UBE4B: variants seen among roughly 807,000 people sequenced by gnomAD.
UBE4B encodes the protein ubiquitination factor E4B.
UBE4B carries 27 observed loss-of-function variants against 148.1 expected under a neutral mutation model. The ratio of observed to expected loss-of-function variants is 0.18; its 90% CI spans 0.13 to 0.25. The LOEUF (loss-of-function observed/expected upper bound fraction) is 0.25, where lower values mean the gene tolerates loss of function less well. Ranked by LOEUF, UBE4B falls within the 10% of genes least tolerant of loss-of-function variation. UBE4B has a pLI of 1.00. For synonymous variants in UBE4B, 596 were observed against 619.3 expected (o/e 0.96, Z 0.56); for missense variants, 1,170 against 1,662.4 (o/e 0.70, Z 5.15).
In UBE4B at chr1:10,168,752, C is replaced by T. The variant is rs1376861858; in HGVS notation, c.3333+482C>T. Among the ~76,000 whole-genome samples, 2 of 151,960 alleles carry T rather than the reference C, an allele frequency of 1.3e-5. No homozygotes were observed. The highest frequency in any genetic ancestry group is 2.9e-5 in the Non-Finnish European group (2 of 67,982). Reference sequence around the variant, plus strand: ...CTAAAAGTACAAAAAATTAGCTGGGCGTGGTGGTGGGCACCTGTAGTCCCA... The same window carrying T: ...CTAAAAGTACAAAAAATTAGCTGGGTGTGGTGGTGGGCACCTGTAGTCCCA... On this transcript the variant is annotated intron_variant, in intron 24 of 27. Coordinates refer to ENST00000343090, the MANE Select transcript of UBE4B (RefSeq NM_001105562.3). This position sits in a 1 kb window ranked among gnomAD's most constrained non-coding sequence, Gnocchi z 4.9.
chr1:10,051,720 C>T (rs1393358079), intron 1 of UBE4B, among the ~76,000 whole-genome samples: 5 of 152,040 alleles, frequency 3.3e-5, no homozygotes, highest in Non-Finnish European at 7.4e-5. Flanking sequence ...CTCGAGGAGT[C>T]CCAGGAGAAA....
intron 1 of UBE4B, among the ~76,000 whole-genome samples, chr1:10,043,186 C>T (rs1357123530): frequency 6.6e-6 from 1 of 151,016 alleles, no homozygotes; most frequent in Admixed American, 6.6e-5. Context: ...ATTTTGTATT[C>T]TTAGCACAGT....
intron 2 of UBE4B, among the ~76,000 whole-genome samples, chr1:10,092,921 C>G (rs1045574790): frequency 1.3e-5 from 2 of 151,940 alleles, no homozygotes; most frequent in Admixed American, 6.6e-5. Context: ...TAAATTGTTG[C>G]AGAATTGCCC....
At chr1:10,146,728 A>C (rs1262889026) in intron 18 of UBE4B, among the ~76,000 whole-genome samples, 1 of 151,294 alleles carries the variant, frequency 6.6e-6, no homozygotes, top group Non-Finnish European at 1.5e-5. Flanking sequence ...CAACATTTTG[A>C]GCTTTAACTG....
intron 2 of UBE4B, among the ~76,000 whole-genome samples, chr1:10,090,408 A>C (rs1189608526): frequency 6.6e-6 from 1 of 152,164 alleles, no homozygotes; most frequent in Non-Finnish European, 1.5e-5. Flanking sequence ...GGCGTGAGCC[A>C]CCATGCCTGG....
At chr1:10,097,441 T>C (rs1021763544) in intron 3 of UBE4B, among the ~76,000 whole-genome samples, 2 of 152,224 alleles carry the variant, frequency 1.3e-5, no homozygotes, top group African/African-American at 4.8e-5. Context: ...CTCACTCTTA[T>C]TCCACATTTT....
At chr1:10,061,186 C>T (rs1035661246) in intron 1 of UBE4B, among the ~76,000 whole-genome samples, 9 of 152,030 alleles carry the variant, frequency 5.9e-5, no homozygotes, top group African/African-American at 1.4e-4. Context: ...CCTTTAATAA[C>T]GAGGTGTAAA....
Position 10,180,978 on chromosome 1 carries a change from A to G in UBE4B, c.*1022A>G, listed in dbSNP as rs1479372893. 6.6e-6 allele frequency: 1 copy of G among 152,452 alleles called. No individual in the cohort carries two copies. The highest frequency in any genetic ancestry group is 1.9e-4 in the East Asian group (1 of 5,182). The allele number at this position is 152,452 out of a possible 1,614,324, so 9.4% of individuals were successfully genotyped here. ...TGGGAGTATGTCTGCCGGTTTCAAC[A>G]CACACAGACAAACACAGCCACACGC... is the stretch of plus-strand genomic sequence containing the variant. On this transcript the variant is annotated 3_prime_UTR_variant, in exon 28 of 28. Transcript: ENST00000343090.
chr1:10,078,115 T>G (rs1394928964), intron 2 of UBE4B, among the ~76,000 whole-genome samples: 1 of 152,128 alleles, frequency 6.6e-6, no homozygotes, highest in Admixed American at 6.6e-5. Flanking sequence ...GTTCAAGTGA[T>G]TCTCCCACCT....
chr1:10,156,784 G>A (rs1646079431), intron 21 of UBE4B, among the ~76,000 whole-genome samples: 1 of 152,094 alleles, frequency 6.6e-6, no homozygotes, highest in African/African-American at 2.4e-5. Context: ...TCGGATCTTA[G>A]TATGATAGGT....
chr1:10,176,176 T>C (rs1432409445), intron 25 of UBE4B, among the ~76,000 whole-genome samples: 1 of 152,266 alleles, frequency 6.6e-6, no homozygotes, highest in Non-Finnish European at 1.5e-5. Flanking sequence ...AATGTATCAG[T>C]ATTTCATTCC....
intron 17 of UBE4B, among the ~76,000 whole-genome samples, chr1:10,142,737 C>T (rs150372887): frequency 1.2e-4 from 19 of 152,202 alleles, no homozygotes; most frequent in African/African-American, 4.6e-4. Context: ...CCTTTTCCAT[C>T]TTCTGAAAGC....
chr1:10,114,982 G>T (rs72861456), intron 7 of UBE4B, among the ~76,000 whole-genome samples: 6 of 152,162 alleles, frequency 3.9e-5, no homozygotes, highest in African/African-American at 1.4e-4. Flanking sequence ...CTACTCAGTC[G>T]GCAGGGAGTT....
intron 1 of UBE4B, among the ~76,000 whole-genome samples, chr1:10,056,883 GT>G (rs1644182102): frequency 6.6e-6 from 1 of 152,164 alleles, no homozygotes; most frequent in Non-Finnish European, 1.5e-5. Context: ...CTGGAGTGCA[GT>G]GGCACATTCA....
chr1:10,082,325 G>A (rs973975979), intron 2 of UBE4B, among the ~76,000 whole-genome samples: 7 of 151,822 alleles, frequency 4.6e-5, no homozygotes, highest in African/African-American at 7.3e-5. Flanking sequence ...ATAGCGAGAC[G>A]TTACCTCTAC....
intron 2 of UBE4B, among the ~76,000 whole-genome samples, chr1:10,093,346 T>C (rs1480861986): frequency 6.6e-6 from 1 of 152,214 alleles, no homozygotes; most frequent in Non-Finnish European, 1.5e-5. Context: ...CTTTGGGTTA[T>C]ATTTCCTGAA....
At chr1:10,139,484 C>T (rs1422599542) in intron 17 of UBE4B, among the ~76,000 whole-genome samples, 1 of 151,802 alleles carries the variant, frequency 6.6e-6, no homozygotes, top group Non-Finnish European at 1.5e-5. Context: ...GTTGTTTCTT[C>T]CTTAAATGTC....
chr1:10,118,368 C>T (rs962940771), intron 8 of UBE4B, among the ~76,000 whole-genome samples: 3 of 152,062 alleles, frequency 2.0e-5, no homozygotes, highest in South Asian at 2.1e-4. Flanking sequence ...GATGGAGTCT[C>T]GTTCTCTCAC....
chr1:10,172,329 A>T (rs1273735783), intron 25 of UBE4B, among the ~76,000 whole-genome samples: 1 of 152,040 alleles, frequency 6.6e-6, no homozygotes, highest in Non-Finnish European at 1.5e-5. Flanking sequence ...CATTTCACCC[A>T]CTTTTCGTAT....
Sources: allele counts gnomAD v4.1 joint callset (sites outside exome capture counted in the v4.1 genomes callset), GRCh38; gene constraint gnomAD v4.1.1; non-coding constraint Gnocchi (gnomAD v3.1); transcripts MANE v1.5; gene names NCBI Gene and HGNC (gene_info 2026-07-23, HGNC 2026-07-21).